TRPM1: variants seen among roughly 807,000 people sequenced by gnomAD.
TRPM1 encodes the protein TRPM1-203 APA Isoform, Intron 10.
A neutral mutation model predicts 149.4 loss-of-function variants in TRPM1; 113 were observed. The observed-to-expected ratio is 0.76, with a 90% CI of 0.65 to 0.88. The LOEUF is 0.88. Ranked by LOEUF, TRPM1 falls within the 40% of genes least tolerant of loss-of-function variation. The pLI is 0.00. For synonymous variants in TRPM1, 741 were observed against 759.5 expected (o/e 0.98, Z 0.40); for missense variants, 1,976 against 2,038.7 (o/e 0.97, Z 0.59).
At chr15:31,159,334 GAAC>G (rs1162811113) in intron 1 of TRPM1, among the ~76,000 whole-genome samples, 1 of 152,150 alleles carries the variant, frequency 6.6e-6, no homozygotes, top group Admixed American at 6.5e-5. Flanking sequence ...TCAAATTCAA[GAAC>G]AACAAAAGCC....
chr15:31,027,236 T>G, intron 25 of TRPM1, 119 bp from the exon 26 acceptor site: 5 of 869,688 alleles, frequency 5.7e-6, no homozygotes, highest in Non-Finnish European at 9.1e-6. Context: ...TTTAGTGCCC[T>G]TTAGTACTGA....
intron 1 of TRPM1, among the ~76,000 whole-genome samples, chr15:31,097,407 G>C (rs2035413524): frequency 6.6e-6 from 1 of 152,166 alleles, no homozygotes; most frequent in Non-Finnish European, 1.5e-5. Context: ...GCTGAGTACT[G>C]GCTTGCCTCT....
chr15:31,074,815 T>A (rs979893016), intron 3 of TRPM1, among the ~76,000 whole-genome samples: 1 of 152,186 alleles, frequency 6.6e-6, no homozygotes, highest in African/African-American at 2.4e-5. Flanking sequence ...TTTACAGGTA[T>A]AAATTTCCCT....
intron 27 of TRPM1, among the ~76,000 whole-genome samples, chr15:31,025,845 C>T (rs905871336): frequency 4.6e-5 from 7 of 152,236 alleles, no homozygotes; most frequent in Admixed American, 2.0e-4. Flanking sequence ...TCTGTAGCTT[C>T]CATTAACCTT....
intron 1 of TRPM1, among the ~76,000 whole-genome samples, chr15:31,127,817 G>A (rs2035970121): frequency 6.6e-6 from 1 of 152,218 alleles, no homozygotes; most frequent in African/African-American, 2.4e-5. Flanking sequence ...AAATGAGGCA[G>A]GCGCTCGGCT....
At chr15:31,103,107 G>A (rs1325877816), upstream of TRPM1, among the ~76,000 whole-genome samples, 2 of 152,158 alleles carry the variant, frequency 1.3e-5, no homozygotes, top group Non-Finnish European at 2.9e-5. Context: ...TGGGAGGTGT[G>A]GAGGCTCTGT....
At chr15:31,118,482 G>A (rs1254163607) in intron 1 of TRPM1, among the ~76,000 whole-genome samples, 4 of 151,544 alleles carry the variant, frequency 2.6e-5, no homozygotes, top group African/African-American at 4.8e-5. Flanking sequence ...TCAAACTATA[G>A]AAAACCAAAG....
chr15:31,027,195 A>C, intron 25 of TRPM1, 78 bp from the exon 26 acceptor site: 1 of 1,373,904 alleles, frequency 7.3e-7, no homozygotes, highest in Non-Finnish European at 1.0e-6. Context: ...AGTTACTCAC[A>C]TTTAAGTGAA....
At chr15:31,048,017 C>T (rs972711746) in intron 13 of TRPM1, 78 bp from the exon 14 acceptor site, 3 of 1,238,838 alleles carry the variant, frequency 2.4e-6, no homozygotes, top group Non-Finnish European at 3.6e-6. Flanking sequence ...AGTCCCAGCA[C>T]TTTGGGAGGC....
rs928109243 is a variant in TRPM1, at chr15:31,029,924, CA to C, written c.3128-534del. On this transcript the variant is annotated intron_variant, in intron 23 of 27. Transcript: ENST00000256552. ...AAAGAGCTCAACAATAAAAATACTA[CA>C]GTTTATGCCTGGAATTCAGGAACTT... Among the ~76,000 whole-genome samples, 5 of 152,036 alleles carry C rather than the reference CA, an allele frequency of 3.3e-5. 1 individual carries two copies. The highest frequency in any genetic ancestry group is 6.5e-5 in the Admixed American group (1 of 15,274).
chr15:31,012,227 G>T (rs1344142168), intron 27 of TRPM1, among the ~76,000 whole-genome samples: 1 of 152,112 alleles, frequency 6.6e-6, no homozygotes, highest in Non-Finnish European at 1.5e-5. Flanking sequence ...TCTTCATGTG[G>T]ATCTTAGGTT....
rs1363400522 is a variant in TRPM1, at chr15:31,070,589, G to T, written c.84-363C>A. On this transcript the variant is annotated intron_variant, in intron 3 of 27. Transcript: ENST00000256552. ...GACCTTCCAGATTTTTCTTTCTCTT[G>T]TCATTCAGGTTGGAGTGTAGTGGCG... 10 of 445,042 alleles carry T rather than the reference G, an allele frequency of 2.2e-5. 1 individual carries two copies. Among genetic ancestry groups the T allele is most frequent in the Non-Finnish European group, 4.4e-5 (10 of 227,764 alleles). The allele number at this position is 445,042 out of a possible 1,614,324, so 27.6% of individuals were successfully genotyped here.
chr15:31,128,467 G>C (rs1387939839), intron 1 of TRPM1, among the ~76,000 whole-genome samples: 1 of 152,180 alleles, frequency 6.6e-6, no homozygotes, highest in Non-Finnish European at 1.5e-5. Context: ...CGGCTGCACA[G>C]GTGCACACCC....
chr15:31,083,768 G>A (rs1355258328), intron 1 of TRPM1, among the ~76,000 whole-genome samples: 1 of 152,186 alleles, frequency 6.6e-6, no homozygotes, highest in African/African-American at 2.4e-5. Context: ...GATACTCTCA[G>A]GTCAGATGCA....
chr15:31,112,593 C>CT lies in TRPM1; in HGVS notation c.55-35610dup, dbSNP rs966821123. 2.0e-4 allele frequency among the ~76,000 whole-genome samples: 31 copies of CT among 151,852 alleles called. No individual in the cohort carries two copies. In the South Asian group the frequency reaches 4.2e-3, roughly 20 times the overall value. On this transcript the variant is annotated intron_variant, in intron 1 of 26. Transcript: ENST00000542188. Reference sequence around the variant, plus strand: ...CCTTCCTCCCAAGGGGCCAATTAAACTTTTTTTTTAATTGGCTGAGATGAA... The same window carrying CT: ...CCTTCCTCCCAAGGGGCCAATTAAACTTTTTTTTTTAATTGGCTGAGATGAA...
At chr15:31,115,924 T>A (rs563085117) in intron 1 of TRPM1, among the ~76,000 whole-genome samples, 1 of 151,980 alleles carries the variant, frequency 6.6e-6, no homozygotes, top group Non-Finnish European at 1.5e-5. Flanking sequence ...TGTGTCTTCA[T>A]AGACACACCT....
intron 27 of TRPM1, among the ~76,000 whole-genome samples, chr15:31,021,210 A>T (rs955361114): frequency 6.6e-6 from 1 of 152,192 alleles, no homozygotes; most frequent in Non-Finnish European, 1.5e-5. Context: ...GCCGTTCTAC[A>T]ACCTTCTCTA....
intron 20 of TRPM1, 51 bp from the exon 21 acceptor site, chr15:31,035,725 CA>C (rs776567056): frequency 8.0e-5 from 129 of 1,613,470 alleles, no homozygotes; most frequent in Non-Finnish European, 1.1e-4. Context: ...ACATAGCAAT[CA>C]AATTTTGAAA....
rs2140977153 is a variant in TRPM1, at chr15:31,076,993, G to A, written c.4-9C>T. 1 of 1,598,150 alleles carries A rather than the reference G, an allele frequency of 6.3e-7. No homozygotes were observed. Among genetic ancestry groups the A allele is most frequent in the Non-Finnish European group, 8.6e-7 (1 of 1,165,896 alleles). On this transcript the variant is annotated splice_polypyrimidine_tract_variant and intron_variant, in intron 2 of 27. Transcript: ENST00000256552. ...ATCCAAGATTTCTGACCCTGGAAGA[G>A]AGAGAGAAGTGGATATTGGACCAAT...
Sources: allele counts gnomAD v4.1 joint callset (sites outside exome capture counted in the v4.1 genomes callset), GRCh38; gene constraint gnomAD v4.1.1; transcripts MANE v1.5; gene names NCBI Gene and HGNC (gene_info 2026-07-23, HGNC 2026-07-21).